C2CD3: variants seen among roughly 807,000 people sequenced by gnomAD.
C2CD3 encodes C2 domain-containing protein 3.
In C2CD3, 148 loss-of-function variants were observed where a neutral mutation model predicts 234.0. The ratio of observed to expected loss-of-function variants is 0.63; its 90% CI spans 0.55 to 0.72. C2CD3 has a LOEUF of 0.72. Among genes scored for constraint, C2CD3 ranks in the 30% least tolerant of loss-of-function variants. The pLI, the probability that C2CD3 is intolerant of heterozygous loss-of-function variation, is 0.00. For synonymous variants in C2CD3, 1,000 were observed against 1,035.4 expected (o/e 0.97, Z 0.66); for missense variants, 2,577 against 2,811.5 (o/e 0.92, Z 1.89).
intron 18 of C2CD3, among the ~76,000 whole-genome samples, chr11:74,092,835 G>T (rs1955948467): frequency 6.6e-6 from 1 of 152,130 alleles, no homozygotes; most frequent in South Asian, 2.1e-4. Flanking sequence ...TACATGCCTT[G>T]AACCTGTCGG....
chr11:74,023,034 A>G (rs1256590506), intron 32 of C2CD3, among the ~76,000 whole-genome samples: 2 of 152,256 alleles, frequency 1.3e-5, no homozygotes, highest in Non-Finnish European at 2.9e-5. Flanking sequence ...AGAAAAGTCC[A>G]AAGATCTGAC....
At position 74,085,921 on chromosome 11, in the gene C2CD3, A is replaced by G. The variant is rs747831649; in HGVS notation, c.3642-35T>C. ...AGAAGGGTGGAAATGAGAAGATACC[A>G]TGGTAACATTAGAAATCAGCTTGAT... On this transcript the variant is annotated intron_variant, in intron 20 of 32. Coordinates refer to ENST00000334126, the MANE Select transcript of C2CD3 (RefSeq NM_001286577.2). The G allele has an allele frequency of 5.7e-6, 9 of 1,567,734 alleles. No homozygotes were observed. In the African/African-American group the frequency reaches 1.2e-4, roughly 21 times the overall value.
intron 15 of C2CD3, 111 bp downstream of exon 15, chr11:74,100,414 T>G: frequency 1.0e-6 from 1 of 995,652 alleles, no homozygotes; most frequent in Non-Finnish European, 1.5e-6. Flanking sequence ...CTGGAAAAAG[T>G]CCTTCAAGGG....
At position 74,157,782 on chromosome 11, in the gene C2CD3, C is replaced by T. The variant is rs186543024; in HGVS notation, c.483+3617G>A. ...TCTAGAAAGTGCTCCCAATGAGCCC[C>T]CCACAGAAGAGGGACCATTCTATGT... On this transcript the variant is annotated intron_variant, in intron 3 of 32. Transcript: ENST00000334126. Among the ~76,000 whole-genome samples, 323 of 152,218 alleles carry T rather than the reference C, an allele frequency of 2.1e-3. 2 individuals are homozygous for T. The highest frequency in any genetic ancestry group is 7.4e-3 in the African/African-American group (308 of 41,536).
chr11:74,144,451 A>T (rs1009059070), intron 3 of C2CD3, among the ~76,000 whole-genome samples: 2 of 152,230 alleles, frequency 1.3e-5, no homozygotes, highest in Admixed American at 6.5e-5. Flanking sequence ...TTTCTTTTTT[A>T]AAAAAATTTT....
At chr11:74,121,693 C>T (rs1485755330) in intron 8 of C2CD3, among the ~76,000 whole-genome samples, 1 of 146,768 alleles carries the variant, frequency 6.8e-6, no homozygotes, top group Non-Finnish European at 1.5e-5. Flanking sequence ...GCCATAAAAA[C>T]ACAAAACAAA....
chr11:74,124,034 C>T (rs1957315942), intron 7 of C2CD3, among the ~76,000 whole-genome samples: 1 of 152,010 alleles, frequency 6.6e-6, no homozygotes, highest in Admixed American at 6.6e-5. Flanking sequence ...GCAATTTTTA[C>T]TTTCTAACTT....
At chr11:74,122,912 C>CTGTCTGGCAAGTCA in intron 8 of C2CD3, 76 bp downstream of exon 8, 1 of 1,045,962 alleles carries the variant, frequency 9.6e-7, no homozygotes, top group Non-Finnish European at 1.4e-6. Context: ...AAATGCATAG[C>CTGTCTGGCAAGTCA]TGTCATGCCT....
In C2CD3 at chr11:74,118,241, C is replaced by T. The variant is rs2135518077; in HGVS notation, c.1507G>A (p.Gly503Ser). 2 of 1,613,492 alleles carry T rather than the reference C, an allele frequency of 1.2e-6. No homozygotes were observed. Among genetic ancestry groups the T allele is most frequent in the Middle Eastern group, 1.7e-4 (1 of 6,052 alleles). Residue 503 changes from glycine (G) to serine (S), a missense_variant, in exon 9 of 33, where the codon GGC becomes AGC. Physicochemically the swap from Gly to Ser is moderately conservative, Grantham distance 56. Coordinates refer to ENST00000334126, the MANE Select transcript of C2CD3 (RefSeq NM_001286577.2). ...SDHKLKKRSA[G>S]KRNRNLVEQQ... Reference sequence around the variant, plus strand: ...AGAGCAGCTCACCTATTTCTCTTGCCTGCTGACCTCTTCTTCAGCTTATGA... The same window carrying T: ...AGAGCAGCTCACCTATTTCTCTTGCTTGCTGACCTCTTCTTCAGCTTATGA...
At chr11:74,168,218 A>T in intron 2 of C2CD3, 126 bp downstream of exon 2, 2 of 749,166 alleles carry the variant, frequency 2.7e-6, no homozygotes, top group South Asian at 3.6e-5. Flanking sequence ...TACTATAAAA[A>T]CTCTTTGACT....
chr11:74,022,459 G>A (rs1361930363), intron 32 of C2CD3, among the ~76,000 whole-genome samples: 1 of 152,186 alleles, frequency 6.6e-6, no homozygotes, highest in Non-Finnish European at 1.5e-5. Context: ...GTACGTGTCT[G>A]CGGCATGAGA....
At position 74,114,542 on chromosome 11, in the gene C2CD3, C is replaced by T. The variant is rs541598449; in HGVS notation, c.1572G>A (p.Thr524=). The T allele has an allele frequency of 2.2e-5, 36 of 1,613,944 alleles. No homozygotes were observed. The highest frequency in any genetic ancestry group is 4.4e-5 in the South Asian group (4 of 91,084). Residue 524 remains threonine (T), a synonymous_variant, in exon 10 of 33, where the codon ACG becomes ACA. Transcript: ENST00000334126. ...MLSETPEDAQ[T]MTLSVDRLAL... Reference sequence around the variant, plus strand: ...CCAGTCTATCCACACTTAGTGTCATCGTTTGGGCATCTTCTGGAGTTTCTG... The same window carrying T: ...CCAGTCTATCCACACTTAGTGTCATTGTTTGGGCATCTTCTGGAGTTTCTG...
intron 32 of C2CD3, among the ~76,000 whole-genome samples, chr11:74,027,971 G>A (rs144173961): frequency 6.6e-6 from 1 of 152,246 alleles, no homozygotes; most frequent in East Asian, 1.9e-4. Context: ...CTATCTACCT[G>A]CTTGGTGGGG....
intron 3 of C2CD3, among the ~76,000 whole-genome samples, chr11:74,145,533 G>C (rs1392418352): frequency 6.6e-6 from 1 of 151,934 alleles, no homozygotes; most frequent in Non-Finnish European, 1.5e-5. Flanking sequence ...AGTTTCTTTT[G>C]CTGTGCAAAA....
intron 3 of C2CD3, among the ~76,000 whole-genome samples, chr11:74,144,823 G>A (rs896040957): frequency 6.6e-6 from 1 of 151,984 alleles, no homozygotes; most frequent in African/African-American, 2.4e-5. Flanking sequence ...TAGTGTATAC[G>A]TACCACATTT....
intron 24 of C2CD3, among the ~76,000 whole-genome samples, chr11:74,068,132 C>T (rs185339054): frequency 6.6e-6 from 1 of 152,294 alleles, no homozygotes; most frequent in Admixed American, 6.5e-5. Flanking sequence ...TCTAGCCCTT[C>T]TAATGACTTA....
chr11:74,158,214 A>G (rs1444507503), intron 3 of C2CD3, among the ~76,000 whole-genome samples: 2 of 152,266 alleles, frequency 1.3e-5, no homozygotes, highest in Non-Finnish European at 2.9e-5. Context: ...GCTCTGCACA[A>G]CAAAGGAAAC....
chr11:74,158,696 T>C (rs946583198), intron 3 of C2CD3, among the ~76,000 whole-genome samples: 2 of 149,450 alleles, frequency 1.3e-5, no homozygotes, highest in African/African-American at 2.5e-5. Flanking sequence ...CACTCCAACC[T>C]GTACAACAAG....
intron 7 of C2CD3, among the ~76,000 whole-genome samples, chr11:74,124,582 C>T (rs1957340940): frequency 6.6e-6 from 1 of 152,004 alleles, no homozygotes; most frequent in Non-Finnish European, 1.5e-5. Context: ...AAAATCACCC[C>T]CTCCTTGAAA....
Sources: allele counts gnomAD v4.1 joint callset (sites outside exome capture counted in the v4.1 genomes callset), GRCh38; gene constraint gnomAD v4.1.1; transcripts MANE v1.5; gene names NCBI Gene and HGNC (gene_info 2026-07-23, HGNC 2026-07-21).